The following ODF2L variants were observed in gnomAD, a reference collection of about 807,000 sequenced individuals.
ODF2L encodes the protein outer dense fiber of sperm tails 2 like.
Under a neutral mutation model 86.3 loss-of-function variants are expected in ODF2L, and 76 were observed. The ratio of observed to expected loss-of-function variants is 0.88; its 90% CI spans 0.73 to 1.07. The LOEUF (loss-of-function observed/expected upper bound fraction) is 1.07, where lower values mean the gene tolerates loss of function less well. ODF2L is among the 50% of genes least tolerant of loss of function. The probability of loss-of-function intolerance (pLI) is 0.00; values close to 1 mark genes in which losing one functional copy is unlikely to be tolerated. For synonymous variants in ODF2L, 241 were observed against 231.3 expected (o/e 1.04, Z -0.38); for missense variants, 748 against 717.4 (o/e 1.04, Z -0.49).
chr1:86,377,996 C>T (rs1327217901), intron 7 of ODF2L, among the ~76,000 whole-genome samples: 1 of 152,262 alleles, frequency 6.6e-6, no homozygotes, highest in Non-Finnish European at 1.5e-5. Context: ...ATTTTCCAAA[C>T]TTTTATGCTC....
At chr1:86,365,778 T>C (rs941769490) in intron 11 of ODF2L, among the ~76,000 whole-genome samples, 5 of 152,150 alleles carry the variant, frequency 3.3e-5, no homozygotes, top group African/African-American at 1.2e-4. Context: ...CATCTATCTG[T>C]AGAATCTAGA....
intron 10 of ODF2L, among the ~76,000 whole-genome samples, chr1:86,370,609 GTAC>G (rs1295632138): frequency 1.3e-5 from 2 of 151,898 alleles, no homozygotes; most frequent in African/African-American, 4.8e-5. Flanking sequence ...CTCTCCTCTG[GTAC>G]CTATGGAAAG....
At chr1:86,368,714 G>C (rs1180058945) in exon 11 of ODF2L, 1 of 1,443,360 alleles carries the variant, frequency 6.9e-7, no homozygotes, top group Non-Finnish European at 9.2e-7. Flanking sequence ...TTCTACATGG[G>C]AATCTAAGCT....
exon 14 of ODF2L, chr1:86,356,460 C>T: frequency 1.2e-6 from 2 of 1,611,720 alleles, no homozygotes; most frequent in East Asian, 2.2e-5. Context: ...CTGAAGCTCC[C>T]TAATGGTGTG....
intron 1 of ODF2L, among the ~76,000 whole-genome samples, chr1:86,388,222 T>G (rs1661079457): frequency 6.6e-6 from 1 of 152,042 alleles, no homozygotes; most frequent in Admixed American, 6.5e-5. Context: ...ATAACAATAT[T>G]TCGAGCTATC....
chr1:86,376,420 TAAA>T lies in ODF2L; in HGVS notation c.625-5_625-3del. ...CTTGGCTATCTTGGTTTCTAAGCTC[TAAA>T]AAAAAAATTAGCAACAATTAAATTA... On this transcript the variant is annotated splice_region_variant and splice_polypyrimidine_tract_variant and intron_variant, in intron 7 of 17. Coordinates refer to ENST00000317336, the Ensembl canonical transcript of ODF2L. The T allele has an allele frequency of 7.1e-7, 1 of 1,416,428 alleles. No homozygotes were observed. The highest frequency in any genetic ancestry group is 9.5e-7 in the Non-Finnish European group (1 of 1,051,694). 87.7% of individuals were successfully genotyped at this position (1,416,428 alleles called of 1,614,324 possible). A position where few individuals can be genotyped will look rare whatever the true frequency, so the allele number is the denominator to read the frequency against.
In ODF2L at chr1:86,372,530, A is replaced by C. The variant is rs1156385960; in HGVS notation, c.821T>G (p.Leu274Trp). ...ATTGGAAGCTGAAATTGTTTCAGAC[A>C]ACTTGGCTTCCTAAAAAATACATAA... The change falls in exon 9 of 18, where the codon TTG (leucine) becomes TGG (tryptophan). Residue 274 changes from leucine (L) to tryptophan (W), a missense_variant. Transcript: ENST00000317336. The C allele has an allele frequency of 2.0e-6, 3 of 1,503,372 alleles. No individual in the cohort carries two copies. The highest frequency in any genetic ancestry group is 2.7e-6 in the Non-Finnish European group (3 of 1,130,406). 93.1% of individuals were successfully genotyped at this position (1,503,372 alleles called of 1,614,324 possible).
chr1:86,370,697 T>G (rs183814155), intron 10 of ODF2L, among the ~76,000 whole-genome samples: 55 of 152,272 alleles, frequency 3.6e-4, no homozygotes, highest in African/African-American at 1.0e-3. Context: ...ACTTTCTGGT[T>G]TCAAACAGAC....
chr1:86,357,022 A>G (rs1558009239), intron 13 of ODF2L, among the ~76,000 whole-genome samples: 3 of 152,238 alleles, frequency 2.0e-5, no homozygotes, highest in Non-Finnish European at 2.9e-5. Flanking sequence ...TACTTAAATT[A>G]GAGCAGCTTG....
At chr1:86,353,775 G>A (rs1037998743) in intron 16 of ODF2L, among the ~76,000 whole-genome samples, 3 of 152,174 alleles carry the variant, frequency 2.0e-5, no homozygotes, top group African/African-American at 4.8e-5. Context: ...GAAGCTATGG[G>A]AGAAAGGGCC....
chr1:86,348,594 T>C, downstream of ODF2L: 1 of 593,610 alleles, frequency 1.7e-6, no homozygotes, highest in Non-Finnish European at 2.4e-6. Flanking sequence ...AAGTTTCAGT[T>C]AGATAAATTA....
In ODF2L at chr1:86,353,061, C is replaced by T. The variant is rs75569712; in HGVS notation, c.1768-77G>A. ...TTAAAGCCTTGACAGTTATATTGTA[C>T]CTTTTTTCTAAACAGATATTACTTG... On this transcript the variant is annotated intron_variant, in intron 16 of 17. Transcript: ENST00000317336. 908 of 934,244 alleles carry T rather than the reference C, an allele frequency of 9.7e-4. 5 individuals are homozygous for T. The African/African-American group carries it at 0.013, about 14-fold the overall frequency. The allele number at this position is 934,244 out of a possible 1,614,324, so 57.9% of individuals were successfully genotyped here.
At chr1:86,350,596 T>C (rs897974647) in exon 18 of ODF2L, 1 of 152,242 alleles carries the variant, frequency 6.6e-6, no homozygotes, top group Non-Finnish European at 1.5e-5. Flanking sequence ...GCATGATTTA[T>C]AGTCCTTTGG....
At chr1:86,355,435 A>T in intron 14 of ODF2L, 1 of 979,642 alleles carries the variant, frequency 1.0e-6, no homozygotes, top group Non-Finnish European at 1.6e-6. Context: ...TTTTTTTCTC[A>T]TAATTTCAAT....
intron 2 of ODF2L, chr1:86,386,505 C>G (rs1660963572): frequency 6.4e-6 from 1 of 156,212 alleles, no homozygotes; most frequent in Non-Finnish European, 1.4e-5. Context: ...TCTACCACAG[C>G]CTTCCAAGTA....
intron 11 of ODF2L, among the ~76,000 whole-genome samples, chr1:86,367,461 A>G (rs555183026): frequency 1.3e-5 from 2 of 151,906 alleles, no homozygotes; most frequent in South Asian, 4.2e-4. Flanking sequence ...ACCCATTCAG[A>G]TTGAAATAAG....
chr1:86,356,417 G>A (rs1167753169), intron 14 of ODF2L, 27 bp downstream of exon 13: 1 of 1,570,796 alleles, frequency 6.4e-7, no homozygotes, highest in Non-Finnish European at 8.7e-7. Context: ...AACGCATCTA[G>A]CAAAACTCAG....
At chr1:86,375,038 T>C (rs913767474) in intron 8 of ODF2L, 2 of 151,940 alleles carry the variant, frequency 1.3e-5, no homozygotes, top group African/African-American at 2.4e-5. Context: ...ATAAATGATA[T>C]AGTTTCAGAT....
intron 1 of ODF2L, among the ~76,000 whole-genome samples, chr1:86,395,404 C>T (rs4288573): frequency 0.63 from 95,281 of 151,884 alleles, 30,282 homozygotes; most frequent in East Asian, 0.7. Flanking sequence ...GTGATGATTA[C>T]TGTTACAGTT....
Sources: gnomAD v4.1 joint callset for allele counts (sites outside exome capture counted in the v4.1 genomes callset) on GRCh38, gnomAD v4.1.1 for gene constraint, MANE v1.5 for transcripts, NCBI Gene and HGNC (gene_info 2026-07-23, HGNC 2026-07-21) for gene names.